Variants in SEPTIN9 observed in about 807,000 individuals in gnomAD.
SEPTIN9 encodes the protein septin-9.
SEPTIN9 carries 13 observed loss-of-function variants against 56.6 expected under a neutral mutation model. The ratio of observed to expected loss-of-function variants is 0.23; its 90% confidence interval spans 0.15 to 0.37. The LOEUF (loss-of-function observed/expected upper bound fraction) is 0.37, where lower values mean the gene tolerates loss of function less well. SEPTIN9 is among the 10% of genes least tolerant of loss of function. The probability of loss-of-function intolerance (pLI) is 1.00; values close to 1 mark genes in which losing one functional copy is unlikely to be tolerated. For missense variants in SEPTIN9, 650 were observed against 823.1 expected (o/e 0.79, Z 2.57); for synonymous variants, 332 against 334.1 (o/e 0.99, Z 0.07).
intron 1 of SEPTIN9, among the ~76,000 whole-genome samples, chr17:77,289,740 A>G (rs2031453534): frequency 6.6e-6 from 1 of 152,210 alleles, no homozygotes; most frequent in Admixed American, 6.5e-5. Flanking sequence ...TAATTTTTTA[A>G]GGAAAGCAAT....
intron 3 of SEPTIN9, among the ~76,000 whole-genome samples, chr17:77,415,627 CAAAA>C (rs772446190): frequency 1.6e-5 from 1 of 63,222 alleles, no homozygotes. Context: ...GACTATGTCT[CAAAA>C]AAAAAAAAAA....
At chr17:77,382,194 AT>A (rs1174341427) in intron 2 of SEPTIN9, among the ~76,000 whole-genome samples, 3 of 151,840 alleles carry the variant, frequency 2.0e-5, no homozygotes, top group Non-Finnish European at 4.4e-5. Context: ...CGCCCAGCTA[AT>A]TTTTTGTATT....
At position 77,402,488 on chromosome 17, in the gene SEPTIN9, C is replaced by T. The variant is rs1335277936; in HGVS notation, c.506C>T (p.Ala169Val). 36 of 1,605,346 alleles carry T rather than the reference C, an allele frequency of 2.2e-5. No homozygotes were observed. In the Admixed American group the frequency reaches 5.8e-4, roughly 26 times the overall value. Residue 169 changes from alanine to valine, a missense_variant, in exon 3 of 12, where the codon GCC becomes GTC. This residue lies in a region of SEPTIN9 where 317 missense variants were observed against 329.1 expected (regional missense o/e 0.96). Coordinates refer to ENST00000427177, the MANE Select transcript of SEPTIN9 (RefSeq NM_001113491.2). This position sits in a 1 kb window ranked among gnomAD's most constrained non-coding sequence, Gnocchi z 6.6. Reference protein sequence around the residue: ...ESAHRRMEPPASKVPEVPTAP... With the variant: ...ESAHRRMEPPVSKVPEVPTAP... ...GCCCACCGGAGGATGGAGCCCCCTG[C>T]CTCCAAGGTCCCCGAGGTGCCCACT...
chr17:77,458,305 A>G (rs1045516320), intron 3 of SEPTIN9, among the ~76,000 whole-genome samples: 17 of 152,136 alleles, frequency 1.1e-4, no homozygotes, highest in Non-Finnish European at 2.4e-4. Context: ...CGGGGTCCCA[A>G]GGTGGGTCCA....
intron 2 of SEPTIN9, among the ~76,000 whole-genome samples, chr17:77,339,667 G>A (rs1467697774): frequency 6.6e-6 from 1 of 151,862 alleles, no homozygotes; most frequent in East Asian, 1.9e-4. Context: ...ACACCACCAT[G>A]CTTGGCTAGT....
At chr17:77,293,310 C>T (rs763908139) in intron 1 of SEPTIN9, among the ~76,000 whole-genome samples, 2 of 152,116 alleles carry the variant, frequency 1.3e-5, no homozygotes, top group Non-Finnish European at 2.9e-5. Context: ...TGTGCCATCA[C>T]GCCTTGCTAA....
chr17:77,284,464 G>A (rs181637587), intron 1 of SEPTIN9, among the ~76,000 whole-genome samples: 68 of 152,326 alleles, frequency 4.5e-4, no homozygotes, highest in African/African-American at 1.4e-3. Flanking sequence ...GGTAGTGGTA[G>A]TCTACAGGCA....
At chr17:77,443,834 A>T (rs1404503017) in intron 3 of SEPTIN9, among the ~76,000 whole-genome samples, 1 of 152,202 alleles carries the variant, frequency 6.6e-6, no homozygotes, top group South Asian at 2.1e-4. Context: ...GTAAAAAGGC[A>T]TGTTGAAGGT....
Position 77,476,087 on chromosome 17 carries a change from G to A in SEPTIN9, c.722-6057G>A, listed in dbSNP as rs1202008748. ...GTGGCTCAGGGTCCCTTGCCCCAGC[G>A]GCACCATCTCTGCATTTGGCCAGCA... is the stretch of plus-strand genomic sequence containing the variant. On this transcript the variant is annotated intron_variant, in intron 3 of 11. Transcript: ENST00000427177. This position sits in a 1 kb window ranked among gnomAD's most constrained non-coding sequence, Gnocchi z 6.0. 6.6e-6 allele frequency among the ~76,000 whole-genome samples: 1 copy of A among 152,150 alleles called. No homozygotes were observed. Among genetic ancestry groups the A allele is most frequent in the Admixed American group, 6.5e-5 (1 of 15,278 alleles).
At chr17:77,352,813 G>A (rs561724793) in intron 2 of SEPTIN9, among the ~76,000 whole-genome samples, 1 of 152,230 alleles carries the variant, frequency 6.6e-6, no homozygotes, top group East Asian at 1.9e-4. Flanking sequence ...ACAGGCGCAC[G>A]CCACCATGCC....
chr17:77,417,476 G>A (rs960412814), intron 3 of SEPTIN9, among the ~76,000 whole-genome samples: 10 of 152,318 alleles, frequency 6.6e-5, no homozygotes, highest in African/African-American at 2.4e-4. Flanking sequence ...TTGTGACTCT[G>A]GAACAGAGGC....
chr17:77,394,451 T>G (rs937817090), intron 2 of SEPTIN9, among the ~76,000 whole-genome samples: 3 of 152,186 alleles, frequency 2.0e-5, no homozygotes, highest in Non-Finnish European at 4.4e-5. Flanking sequence ...AGCCAGTGTT[T>G]CTTCAGGGAC....
Position 77,323,650 on chromosome 17 carries a change from AC to A in SEPTIN9, c.76+16455del, listed in dbSNP as rs1176167753. The stretch of plus-strand genomic sequence containing the variant: ...TTCCTGGGTCATCAGTGGGCGGGGA[AC>A]CGAGGCCTCCTGGAGGGCGGTGCCT... On this transcript the variant is annotated intron_variant, in intron 2 of 11. Transcript: ENST00000427177. The surrounding 1 kb of genome is among the most constrained non-coding windows in gnomAD (Gnocchi z 6.8). 2 of 152,562 alleles carry A rather than the reference AC, an allele frequency of 1.3e-5. No homozygotes were observed. The highest frequency in any genetic ancestry group is 2.9e-5 in the Non-Finnish European group (2 of 68,390). 9.5% of individuals were successfully genotyped at this position (152,562 alleles called of 1,614,324 possible).
At chr17:77,459,274 C>T (rs1042525684) in intron 3 of SEPTIN9, among the ~76,000 whole-genome samples, 2 of 152,230 alleles carry the variant, frequency 1.3e-5, no homozygotes, top group Non-Finnish European at 2.9e-5. Flanking sequence ...ACCTGAACTG[C>T]CTGGTGCCAC....
intron 2 of SEPTIN9, among the ~76,000 whole-genome samples, chr17:77,333,496 G>C (rs986347551): frequency 6.6e-6 from 1 of 152,110 alleles, no homozygotes; most frequent in Non-Finnish European, 1.5e-5. Flanking sequence ...CCAAGAGCCG[G>C]TTTTACAGGC....
intron 2 of SEPTIN9, among the ~76,000 whole-genome samples, chr17:77,390,498 C>T (rs1300371190): frequency 1.5e-5 from 2 of 135,330 alleles, no homozygotes; most frequent in Non-Finnish European, 3.1e-5. Flanking sequence ...GTCGCCCAGG[C>T]TGGAGTGCAG....
intron 2 of SEPTIN9, among the ~76,000 whole-genome samples, chr17:77,338,963 C>T (rs2033643156): frequency 6.6e-6 from 1 of 152,102 alleles, no homozygotes; most frequent in Non-Finnish European, 1.5e-5. Context: ...TCTCCAGGAA[C>T]CACTTTGTCT....
rs116208091 is a variant in SEPTIN9, at chr17:77,393,026, C to T, written c.77-9033C>T. On this transcript the variant is annotated intron_variant, in intron 2 of 11. Transcript: ENST00000427177. Reference sequence around the variant, plus strand: ...GCTCCACCTGCCCCAGGAGCCACCTCCCTCCTCCACCAAGCAGCCCAGGCC... The same window carrying T: ...GCTCCACCTGCCCCAGGAGCCACCTTCCTCCTCCACCAAGCAGCCCAGGCC... Among the ~76,000 whole-genome samples, 835 of 152,284 alleles carry T rather than the reference C, an allele frequency of 5.5e-3. 9 individuals carry two copies. The highest frequency in any genetic ancestry group is 0.019 in the African/African-American group (805 of 41,556).
At chr17:77,287,676 C>T (rs1219294101) in intron 1 of SEPTIN9, among the ~76,000 whole-genome samples, 1 of 152,190 alleles carries the variant, frequency 6.6e-6, no homozygotes, top group East Asian at 1.9e-4. Flanking sequence ...ATTTGCAGCC[C>T]CTGTGAAGGG....
Sources: allele counts gnomAD v4.1 joint callset (sites outside exome capture counted in the v4.1 genomes callset), GRCh38; gene constraint gnomAD v4.1.1; regional missense constraint gnomAD v4.1.1; non-coding constraint Gnocchi (gnomAD v3.1); transcripts MANE v1.5; gene names NCBI Gene and HGNC (gene_info 2026-07-23, HGNC 2026-07-21).